The following CDH11 variants were observed in gnomAD, a reference collection of about 807,000 sequenced individuals.
CDH11 encodes cadherin-11.
Under a neutral mutation model 67.8 loss-of-function variants are expected in CDH11, and 11 were observed. That is an observed-to-expected ratio of 0.16 (90% CI 0.10 to 0.27). The LOEUF (loss-of-function observed/expected upper bound fraction) is 0.27. Ranked by LOEUF, CDH11 falls within the 10% of genes least tolerant of loss-of-function variation. The probability of loss-of-function intolerance (pLI) is 1.00; values close to 1 mark genes in which losing one functional copy is unlikely to be tolerated. For synonymous variants in CDH11, 419 were observed against 400.0 expected (o/e 1.05, Z -0.57); for missense variants, 847 against 1,031.2 (o/e 0.82, Z 2.45).
rs987451534 is a variant in CDH11, at chr16:65,121,966, C to T, written c.-384G>A. ...TGCGGTGTCAGTCCCGGCCCCAGTC[C>T]CGGTCCCATTCACAAGTCAGCGGCG... On this transcript the variant is annotated 5_prime_UTR_variant, in exon 1 of 13. Transcript: ENST00000268603. The surrounding 1 kb of genome is among the most constrained non-coding windows in gnomAD (Gnocchi z 4.1). 2 of 701,722 alleles carry T rather than the reference C, an allele frequency of 2.9e-6. No individual in the cohort carries two copies. Among genetic ancestry groups the T allele is most frequent in the Non-Finnish European group, 5.2e-6 (2 of 384,492 alleles). The allele number at this position is 701,722 out of a possible 1,614,324, so 43.5% of individuals were successfully genotyped here.
rs763850377 is a variant in CDH11 at position 64,950,922 on chromosome 16, G to C, written c.1739C>G (p.Pro580Arg). 1.2e-6 allele frequency: 2 copies of C among 1,614,222 alleles called. No individual in the cohort carries two copies. The highest frequency in any genetic ancestry group is 2.7e-5 in the African/African-American group (2 of 75,074). Residue 580 changes from proline to arginine, a missense_variant, in exon 12 of 13, where the codon CCG becomes CGG. By Grantham distance (103) the Pro-to-Arg change is moderately radical. This residue lies in a region of CDH11 where 612 missense variants were observed against 678.7 expected (regional missense o/e 0.90). Coordinates refer to ENST00000268603, the MANE Select transcript of CDH11 (RefSeq NM_001797.4). Reference sequence around the variant, plus strand: ...GAGGGTGTTGGTGCTACTCATGGGCGGGATGCCGCCATCGCTGATCACTAT... The same window carrying C: ...GAGGGTGTTGGTGCTACTCATGGGCCGGATGCCGCCATCGCTGATCACTAT... ...LPIVISDGGIPPMSSTNTLTI... is the reference protein window; with the variant it reads ...LPIVISDGGIRPMSSTNTLTI...
chr16:65,008,803 G>C (rs770840713), intron 2 of CDH11, among the ~76,000 whole-genome samples: 8 of 152,238 alleles, frequency 5.3e-5, no homozygotes, highest in Admixed American at 1.3e-4. Flanking sequence ...CTAGAAGCCA[G>C]CTAAATGTGG....
chr16:64,982,493 A>G (rs1184961345), intron 7 of CDH11, 192 bp from the exon 8 acceptor site: 11 of 585,922 alleles, frequency 1.9e-5, no homozygotes, highest in Non-Finnish European at 2.7e-5. Context: ...GAATGTGCTT[A>G]ATGGGTCATT....
Position 65,004,909 on chromosome 16 carries a change from C to T in CDH11, c.-40G>A. ...TAGGCACAGGAGAATGCAGCTGTCA[C>T]CCCTTCCACCAACTGTACGGTGGTC... is the stretch of plus-strand genomic sequence containing the variant. On this transcript the variant is annotated 5_prime_UTR_variant, in exon 3 of 13. It adds an upstream start codon to the 5' untranslated region. Transcript: ENST00000268603. The T allele has an allele frequency of 6.8e-7, 1 of 1,471,832 alleles. No homozygotes were observed. The highest frequency in any genetic ancestry group is 9.0e-7 in the Non-Finnish European group (1 of 1,105,078). 91.2% of individuals were successfully genotyped at this position (1,471,832 alleles called of 1,614,324 possible).
intron 2 of CDH11, among the ~76,000 whole-genome samples, chr16:65,026,657 A>C (rs1318760896): frequency 1.3e-5 from 2 of 152,162 alleles, no homozygotes; most frequent in Admixed American, 6.5e-5. Flanking sequence ...AGGGTCTTCC[A>C]ATTTCCACCT....
chr16:65,120,731 T>C (rs1330062941), intron 1 of CDH11, among the ~76,000 whole-genome samples: 2 of 152,172 alleles, frequency 1.3e-5, no homozygotes, highest in Non-Finnish European at 2.9e-5. Context: ...GGGCTTCTTC[T>C]AGCACCTAGA....
At chr16:65,106,164 G>C (rs966008010) in intron 1 of CDH11, among the ~76,000 whole-genome samples, 1 of 152,116 alleles carries the variant, frequency 6.6e-6, no homozygotes, top group Non-Finnish European at 1.5e-5. Context: ...TTTTAACAGA[G>C]CTCAACTGTT....
chr16:64,989,881 TC>T, intron 6 of CDH11, among the ~76,000 whole-genome samples: 1 of 152,334 alleles, frequency 6.6e-6, no homozygotes, highest in East Asian at 1.9e-4. Flanking sequence ...TGTTTTAATT[TC>T]CCCTTACAGA....
chr16:65,064,260 C>G (rs2074278322), intron 1 of CDH11, among the ~76,000 whole-genome samples: 1 of 152,232 alleles, frequency 6.6e-6, no homozygotes, highest in Non-Finnish European at 1.5e-5. Flanking sequence ...AAGCTGATTC[C>G]TGTTTGGGCC....
chr16:64,968,144 G>A (rs2071892835), intron 11 of CDH11, among the ~76,000 whole-genome samples: 1 of 152,094 alleles, frequency 6.6e-6, no homozygotes. Context: ...TTTAGTTTTT[G>A]CACTTATTGC....
chr16:64,972,083 G>A lies in CDH11; in HGVS notation c.1391-19C>T. On this transcript the variant is annotated intron_variant, in intron 9 of 12. Coordinates refer to ENST00000268603, the MANE Select transcript of CDH11 (RefSeq NM_001797.4). ...CGATTGTCTGGGAAGACAGAATGCA[G>A]ACAGTCAAGAAAGGTCAAGGAGAAA... 6.2e-7 allele frequency: 1 copy of A among 1,612,430 alleles called. No homozygotes were observed. Among genetic ancestry groups the A allele is most frequent in the Non-Finnish European group, 8.5e-7 (1 of 1,178,634 alleles).
Position 65,064,899 on chromosome 16 carries a change from C to T in CDH11, c.-297-10971G>A, listed in dbSNP as rs12444576. 6.1e-3 allele frequency among the ~76,000 whole-genome samples: 934 copies of T among 152,296 alleles called. 7 individuals carry two copies. Among genetic ancestry groups the T allele is most frequent in the Non-Finnish European group, 9.7e-3 (657 of 68,032 alleles). ...CTGAATGACTGAGAGGTGAGGAACA[C>T]GGATCCATGGCACCACAATTATTTT... On this transcript the variant is annotated intron_variant, in intron 1 of 12. Coordinates refer to ENST00000268603, the MANE Select transcript of CDH11 (RefSeq NM_001797.4).
At chr16:64,991,092 A>T (rs983211926) in intron 6 of CDH11, among the ~76,000 whole-genome samples, 1 of 152,148 alleles carries the variant, frequency 6.6e-6, no homozygotes, top group Non-Finnish European at 1.5e-5. Flanking sequence ...TTTCCAGTGG[A>T]AACTTCTGAA....
Position 64,948,220 on chromosome 16 carries a change from T to C in CDH11, c.1895-121A>G, listed in dbSNP as rs929961736. The C allele has an allele frequency of 2.9e-5, 37 of 1,294,114 alleles. No individual in the cohort carries two copies. In the Middle Eastern group the frequency reaches 7.6e-4, roughly 27 times the overall value. The allele number at this position is 1,294,114 out of a possible 1,614,324, so 80.2% of individuals were successfully genotyped here. ...TAAATGCTCAGAACAGGAAACAGTATAGGAAATGAGAGCTTTGCCTGGAAT... is the reference window on the plus strand; with the variant it reads ...TAAATGCTCAGAACAGGAAACAGTACAGGAAATGAGAGCTTTGCCTGGAAT... On this transcript the variant is annotated intron_variant, in intron 12 of 12. Coordinates refer to ENST00000268603, the MANE Select transcript of CDH11 (RefSeq NM_001797.4).
intron 11 of CDH11, among the ~76,000 whole-genome samples, chr16:64,969,073 T>C (rs1486357603): frequency 6.6e-6 from 1 of 152,150 alleles, no homozygotes; most frequent in East Asian, 1.9e-4. Flanking sequence ...TAGTCTCTTA[T>C]AGGAGAGGGC....
chr16:64,960,201 G>A (rs917051586), intron 11 of CDH11, among the ~76,000 whole-genome samples: 2 of 152,124 alleles, frequency 1.3e-5, no homozygotes, highest in Admixed American at 6.5e-5. Context: ...GGGTGATGGG[G>A]TACTGACTTC....
At position 64,945,723 on chromosome 16, in the gene CDH11, A is replaced by G. The variant is rs2071184408; in HGVS notation, c.*1880T>C. On this transcript the variant is annotated 3_prime_UTR_variant, in exon 13 of 13. Transcript: ENST00000268603. ...TCAGCCCAATTTGATTTCAATGCAA[A>G]GTAAAATGGAAGTGAGCACTTCATA... is the stretch of plus-strand genomic sequence containing the variant. The G allele has an allele frequency of 9.6e-7, 1 of 1,042,358 alleles. No individual in the cohort carries two copies. The highest frequency in any genetic ancestry group is 4.6e-5 in the South Asian group (1 of 21,792). The allele number at this position is 1,042,358 out of a possible 1,614,324, so 64.6% of individuals were successfully genotyped here.
chr16:65,068,902 A>G (rs1003103743), intron 1 of CDH11, among the ~76,000 whole-genome samples: 1 of 152,234 alleles, frequency 6.6e-6, no homozygotes, highest in African/African-American at 2.4e-5. Flanking sequence ...TAAAAAATAG[A>G]AAAAGAACAA....
intron 1 of CDH11, among the ~76,000 whole-genome samples, chr16:65,106,944 A>T (rs1321156726): frequency 6.6e-6 from 1 of 151,886 alleles, no homozygotes; most frequent in East Asian, 1.9e-4. Flanking sequence ...TATGCCTGAG[A>T]AAAGTCATGG....
Sources: gnomAD v4.1 joint callset for allele counts (sites outside exome capture counted in the v4.1 genomes callset) on GRCh38, gnomAD v4.1.1 for gene constraint, gnomAD v4.1.1 regional missense constraint, Gnocchi (gnomAD v3.1) non-coding constraint, MANE v1.5 for transcripts, NCBI Gene and HGNC (gene_info 2026-07-23, HGNC 2026-07-21) for gene names.